FUT8: variants seen among roughly 807,000 people sequenced by gnomAD.
FUT8 encodes fucosyltransferase 8, also known as alpha-(1,6)-fucosyltransferase.
Under a neutral mutation model 71.3 loss-of-function variants are expected in FUT8, and 29 were observed. That is an observed-to-expected ratio of 0.41 (90% CI 0.30 to 0.55). The LOEUF (loss-of-function observed/expected upper bound fraction) is 0.55, where lower values mean the gene tolerates loss of function less well. Among genes scored for constraint, FUT8 ranks in the 20% least tolerant of loss-of-function variants. FUT8 has a pLI of 0.34. For synonymous variants in FUT8, 254 were observed against 239.3 expected (o/e 1.06, Z -0.57); for missense variants, 544 against 702.1 (o/e 0.77, Z 2.55).
the FUT8 span, among the ~76,000 whole-genome samples, chr14:65,370,611 ATAAC>A: frequency 1.2e-4 from 18 of 150,126 alleles, no homozygotes; most frequent in African/African-American, 2.4e-4. Context: ...ATGTATAACT[ATAAC>A]TATATATAGT....
chr14:65,688,559 G>C (rs1304313885), intron 7 of FUT8, among the ~76,000 whole-genome samples: 1 of 149,518 alleles, frequency 6.7e-6, no homozygotes, highest in African/African-American at 2.5e-5. Context: ...AGGGGAGTTG[G>C]GATTAGACAC....
At chr14:65,378,410 TG>T in the FUT8 span, among the ~76,000 whole-genome samples, 1 of 152,312 alleles carries the variant, frequency 6.6e-6, no homozygotes, top group South Asian at 2.1e-4. Context: ...GTCGTTATTT[TG>T]GATTTTTGGA....
At chr14:65,384,795 T>C in the FUT8 span, among the ~76,000 whole-genome samples, 1 of 152,206 alleles carries the variant, frequency 6.6e-6, no homozygotes, top group Non-Finnish European at 1.5e-5. The surrounding 1 kb of genome is among the most constrained non-coding windows in gnomAD (Gnocchi z 4.2). Context: ...CCTCACATTT[T>C]AAAATATTTC....
intron 1 of FUT8, among the ~76,000 whole-genome samples, chr14:65,425,942 A>C (rs1372179416): frequency 6.6e-6 from 1 of 151,330 alleles, no homozygotes; most frequent in African/African-American, 2.4e-5. Flanking sequence ...ACGCCACTGC[A>C]CTCCAGCCTG....
chr14:65,480,299 A>ATTTT (rs5809276), intron 2 of FUT8, among the ~76,000 whole-genome samples: 1 of 96,974 alleles, frequency 1.0e-5, no homozygotes, highest in Non-Finnish European at 2.0e-5. Flanking sequence ...ATGAACTGTG[A>ATTTT]TTTTTTTTTT....
At chr14:65,495,898 G>A (rs1185018600) in intron 2 of FUT8, among the ~76,000 whole-genome samples, 1 of 151,996 alleles carries the variant, frequency 6.6e-6, no homozygotes, top group East Asian at 1.9e-4. Flanking sequence ...ACACTTGGAA[G>A]GAAGAAAACC....
intron 2 of FUT8, among the ~76,000 whole-genome samples, chr14:65,528,662 G>A (rs968516898): frequency 6.6e-6 from 1 of 152,126 alleles, no homozygotes; most frequent in African/African-American, 2.4e-5. Flanking sequence ...CTATAGACTG[G>A]AGCTGCTCCT....
chr14:65,720,948 T>G (rs931078874), intron 7 of FUT8, among the ~76,000 whole-genome samples: 7 of 152,068 alleles, frequency 4.6e-5, no homozygotes, highest in African/African-American at 1.7e-4. Context: ...CAGTGCAAAG[T>G]CCCACAATCA....
At chr14:65,634,436 C>T (rs912337104) in intron 6 of FUT8, among the ~76,000 whole-genome samples, 1 of 152,104 alleles carries the variant, frequency 6.6e-6, no homozygotes, top group African/African-American at 2.4e-5. Flanking sequence ...CGGAAGGCTG[C>T]AGGGTCCTCT....
chr14:65,526,545 G>A lies in FUT8; in HGVS notation c.-227-34792G>A, dbSNP rs551016418. Among the ~76,000 whole-genome samples, 527 of 152,106 alleles carry A rather than the reference G, an allele frequency of 3.5e-3. 2 individuals are homozygous for A. The highest frequency in any genetic ancestry group is 0.012 in the African/African-American group (500 of 41,414). ...TACCAGTCTGTGTCTTTTAATTGGA[G>A]CATTTAGCCCATTTACATTTAAGGT... On this transcript the variant is annotated intron_variant, in intron 2 of 10. Coordinates refer to ENST00000673929, the MANE Select transcript of FUT8 (RefSeq NM_001371533.1).
intron 10 of FUT8, among the ~76,000 whole-genome samples, chr14:65,735,283 C>G (rs1896168624): frequency 6.6e-6 from 1 of 151,820 alleles, no homozygotes; most frequent in African/African-American, 2.4e-5. Context: ...CAATTTTGAC[C>G]TACAAATCAG....
intron 1 of FUT8, among the ~76,000 whole-genome samples, chr14:65,450,588 C>G (rs1017405496): frequency 6.6e-6 from 1 of 152,112 alleles, no homozygotes; most frequent in African/African-American, 2.4e-5. Context: ...ATGCTGCACT[C>G]TTGGTTGTAT....
At chr14:65,583,494 C>A (rs1412959738) in intron 3 of FUT8, among the ~76,000 whole-genome samples, 1 of 152,034 alleles carries the variant, frequency 6.6e-6, no homozygotes, top group African/African-American at 2.4e-5. Flanking sequence ...GTAGGTCAGG[C>A]CACAATCACA....
chr14:65,656,811 A>G (rs1038131985), intron 6 of FUT8, among the ~76,000 whole-genome samples: 3 of 152,186 alleles, frequency 2.0e-5, no homozygotes, highest in Admixed American at 1.3e-4. Context: ...CATATAGACC[A>G]TAGACCAATG....
At chr14:65,571,593 A>T (rs1373730959) in intron 3 of FUT8, among the ~76,000 whole-genome samples, 1 of 152,138 alleles carries the variant, frequency 6.6e-6, no homozygotes, top group Non-Finnish European at 1.5e-5. Context: ...AGAGAAGCAT[A>T]GCATCATATG....
At chr14:65,412,527 C>T (rs1044888584), upstream of FUT8, 3 of 358,150 alleles carry the variant, frequency 8.4e-6, no homozygotes, top group African/African-American at 6.4e-5. Context: ...CGTGCGCAGC[C>T]GCTGCCCTGC....
At chr14:65,421,747 CTT>C (rs1555359420) in intron 1 of FUT8, among the ~76,000 whole-genome samples, 6 of 79,204 alleles carry the variant, frequency 7.6e-5, no homozygotes, top group Non-Finnish European at 9.5e-5. Context: ...CCACCCCCCC[CTT>C]TTTTTTTTTT....
At chr14:65,494,899 T>C (rs891194796) in intron 2 of FUT8, among the ~76,000 whole-genome samples, 6 of 152,074 alleles carry the variant, frequency 3.9e-5, no homozygotes, top group Admixed American at 6.6e-5. Context: ...TTCTGCTGAT[T>C]GAGGCTTTGT....
At chr14:65,681,483 A>G (rs774752491) in intron 7 of FUT8, among the ~76,000 whole-genome samples, 1 of 152,202 alleles carries the variant, frequency 6.6e-6, no homozygotes, top group Non-Finnish European at 1.5e-5. Context: ...TTGCCTTCAT[A>G]TATTTGCATT....
Sources: allele counts gnomAD v4.1 joint callset (sites outside exome capture counted in the v4.1 genomes callset), GRCh38; gene constraint gnomAD v4.1.1; non-coding constraint Gnocchi (gnomAD v3.1); transcripts MANE v1.5; gene names NCBI Gene and HGNC (gene_info 2026-07-23, HGNC 2026-07-21).